DSCAM: variants seen among roughly 807,000 people sequenced by gnomAD.
The protein encoded by DSCAM is DS cell adhesion molecule.
A neutral mutation model predicts 217.7 loss-of-function variants in DSCAM; 47 were observed. That is an observed-to-expected ratio of 0.22 (90% CI 0.17 to 0.28). The LOEUF is 0.28. DSCAM is among the 10% of genes least tolerant of loss of function. DSCAM has a pLI of 1.00. For synonymous variants in DSCAM, 1,056 were observed against 1,015.3 expected (o/e 1.04, Z -0.76); for missense variants, 2,080 against 2,618.3 (o/e 0.79, Z 4.49).
At chr21:40,748,916 G>A (rs927277523) in intron 1 of DSCAM, among the ~76,000 whole-genome samples, 1 of 152,050 alleles carries the variant, frequency 6.6e-6, no homozygotes, top group Non-Finnish European at 1.5e-5. Context: ...ACAGAACCTA[G>A]AAATAAATAT....
At chr21:40,318,896 C>A (rs1483812836) in intron 8 of DSCAM, among the ~76,000 whole-genome samples, 2 of 152,040 alleles carry the variant, frequency 1.3e-5, no homozygotes, top group African/African-American at 4.8e-5. Context: ...GCGAAAAAGG[C>A]AAGAGTGAGC....
chr21:40,268,153 C>T (rs1257977093), intron 11 of DSCAM, among the ~76,000 whole-genome samples: 1 of 152,196 alleles, frequency 6.6e-6, no homozygotes, highest in East Asian at 1.9e-4. Context: ...TATCCTCTGC[C>T]AGGCATTATG....
chr21:40,659,991 C>T (rs748921136), intron 3 of DSCAM, among the ~76,000 whole-genome samples: 9 of 152,254 alleles, frequency 5.9e-5, no homozygotes, highest in Non-Finnish European at 1.2e-4. Context: ...GATATGGTAA[C>T]GACAACAGCA....
chr21:40,079,818 G>C (rs982172800), intron 25 of DSCAM, among the ~76,000 whole-genome samples: 1 of 152,032 alleles, frequency 6.6e-6, no homozygotes, highest in Non-Finnish European at 1.5e-5. Context: ...AGCAAGGGTG[G>C]CTAAGGGAGA....
At chr21:40,737,390 C>T (rs1478284250) in intron 1 of DSCAM, among the ~76,000 whole-genome samples, 1 of 152,168 alleles carries the variant, frequency 6.6e-6, no homozygotes, top group African/African-American at 2.4e-5. Flanking sequence ...GTAATGCCAG[C>T]ATTTTAGGAG....
rs2090179599 is a variant in DSCAM, at chr21:40,133,857, C to T, written c.3559G>A (p.Asp1187Asn). 1 of 1,603,862 alleles carries T rather than the reference C, an allele frequency of 6.2e-7. No homozygotes were observed. The highest frequency in any genetic ancestry group is 8.5e-7 in the Non-Finnish European group (1 of 1,175,050). The change falls in exon 19 of 33, where the codon GAT becomes AAT. Residue 1187 changes from aspartate (D) to asparagine (N), a missense_variant. Coordinates refer to ENST00000400454, the MANE Select transcript of DSCAM (RefSeq NM_001389.5). ...SEQIFTRTKEDVPGPPAGVKA... is the reference protein window; with the variant it reads ...SEQIFTRTKENVPGPPAGVKA... Reference sequence around the variant, plus strand: ...CCACCGCCCACCCGTCTCTCACCATCCTCTTTGGTCCGGGTGAAGATCTGC... The same window carrying T: ...CCACCGCCCACCCGTCTCTCACCATTCTCTTTGGTCCGGGTGAAGATCTGC...
At chr21:40,501,242 G>A (rs2076168232) in intron 3 of DSCAM, among the ~76,000 whole-genome samples, 1 of 151,838 alleles carries the variant, frequency 6.6e-6, no homozygotes, top group Admixed American at 6.6e-5. Context: ...AATTGAACTG[G>A]GCATCCTCTA....
At chr21:40,313,889 GT>G (rs1422546265) in intron 8 of DSCAM, among the ~76,000 whole-genome samples, 4 of 152,078 alleles carry the variant, frequency 2.6e-5, no homozygotes, top group African/African-American at 9.7e-5. Context: ...TATATTACGA[GT>G]TTTTCCTAAT....
intron 3 of DSCAM, among the ~76,000 whole-genome samples, chr21:40,496,110 T>C (rs2076116432): frequency 6.6e-6 from 1 of 152,158 alleles, no homozygotes; most frequent in African/African-American, 2.4e-5. Flanking sequence ...CCCAAAGTGA[T>C]CTACAAATTC....
At chr21:40,732,090 G>A (rs760689636) in intron 1 of DSCAM, among the ~76,000 whole-genome samples, 2 of 152,104 alleles carry the variant, frequency 1.3e-5, no homozygotes, top group African/African-American at 2.4e-5. Context: ...AGTGGTTAAG[G>A]CTTCAACATA....
rs1171133867 is a variant in DSCAM at position 40,534,821 on chromosome 21, CCT to C, written c.508+157987_508+157988del. On this transcript the variant is annotated intron_variant, in intron 3 of 32. Coordinates refer to ENST00000400454, the MANE Select transcript of DSCAM (RefSeq NM_001389.5). ...TTTAATTTAATCTATTATCAATTAT[CCT>C]CTGATTTAGAAATAAAGTACAGAAT... 2.6e-5 allele frequency among the ~76,000 whole-genome samples: 4 copies of C among 152,140 alleles called. No individual in the cohort carries two copies. The South Asian group carries it at 8.3e-4, about 32-fold the overall frequency.
intron 30 of DSCAM, 73 bp downstream of exon 30, chr21:40,051,885 G>T (rs11911000): frequency 0.053 from 80,620 of 1,515,680 alleles, 3,423 homozygotes; most frequent in African/African-American, 0.21. Context: ...ATTTTCATTT[G>T]AGAGAGAAAG....
At chr21:40,171,146 C>T (rs542691741) in intron 15 of DSCAM, among the ~76,000 whole-genome samples, 4 of 152,286 alleles carry the variant, frequency 2.6e-5, no homozygotes, top group Non-Finnish European at 5.9e-5. Flanking sequence ...GGCACTATCT[C>T]GACTCACTGC....
intron 11 of DSCAM, among the ~76,000 whole-genome samples, chr21:40,269,514 C>G (rs1372141456): frequency 6.6e-6 from 1 of 152,176 alleles, no homozygotes; most frequent in Non-Finnish European, 1.5e-5. Context: ...GTTCTGTTGT[C>G]ACTGAGTGTA....
At chr21:40,620,077 G>A (rs866037966) in intron 3 of DSCAM, among the ~76,000 whole-genome samples, 1 of 42,074 alleles carries the variant, frequency 2.4e-5, no homozygotes, top group Non-Finnish European at 4.8e-5. Flanking sequence ...GAGAGAAAGA[G>A]AAAAAAGAAA....
intron 31 of DSCAM, among the ~76,000 whole-genome samples, chr21:40,043,705 T>C (rs778450951): frequency 1.3e-5 from 2 of 152,208 alleles, no homozygotes; most frequent in Non-Finnish European, 2.9e-5. Context: ...TGTCTTAATC[T>C]TGGAGATGGT....
chr21:40,708,389 G>A, intron 2 of DSCAM, 65 bp downstream of exon 2: 1 of 1,319,118 alleles, frequency 7.6e-7, no homozygotes, highest in Non-Finnish European at 1.0e-6. Flanking sequence ...TTTGCTATGT[G>A]TCATTGTCAT....
At position 40,338,180 on chromosome 21, in the gene DSCAM, C is replaced by T. The variant is rs777719754; in HGVS notation, c.1704G>A (p.Val568=). 3.1e-6 allele frequency: 5 copies of T among 1,614,286 alleles called. No homozygotes were observed. In the East Asian group the frequency reaches 1.1e-4, roughly 36 times the overall value. Residue 568 remains valine (V), a synonymous_variant, in exon 8 of 33, where the codon GTG becomes GTA. Coordinates refer to ENST00000400454, the MANE Select transcript of DSCAM (RefSeq NM_001389.5). The stretch of plus-strand genomic sequence containing the variant: ...CGTTGCACGTGTACTCCCCCTCGTC[C>T]ACTTCCTTTTGCACATCTGAAAGTT... ...TLKLSDVQKE[V]DEGEYTCNVL... is the part of the protein sequence containing the mutation.
intron 11 of DSCAM, among the ~76,000 whole-genome samples, chr21:40,254,011 A>G (rs921782541): frequency 6.6e-6 from 1 of 152,210 alleles, no homozygotes; most frequent in Non-Finnish European, 1.5e-5. Flanking sequence ...CTGACATAAG[A>G]GCAGTCTTGT....
Sources: gnomAD v4.1 joint callset for allele counts (sites outside exome capture counted in the v4.1 genomes callset) on GRCh38, gnomAD v4.1.1 for gene constraint, MANE v1.5 for transcripts, NCBI Gene and HGNC (gene_info 2026-07-23, HGNC 2026-07-21) for gene names.